ST6GAL2: variants seen among roughly 807,000 people sequenced by gnomAD.
The protein encoded by ST6GAL2 is beta-galactoside alpha-2,6-sialyltransferase 2.
ST6GAL2 carries 24 observed loss-of-function variants against 37.5 expected under a neutral mutation model. The observed-to-expected ratio is 0.64, with a 90% CI of 0.46 to 0.90. ST6GAL2 has a LOEUF of 0.90. Among genes scored for constraint, ST6GAL2 ranks in the 40% least tolerant of loss-of-function variants. ST6GAL2 has a pLI of 0.00. For missense variants in ST6GAL2, 715 were observed against 712.7 expected (o/e 1.00, Z -0.04); for synonymous variants, 306 against 295.1 (o/e 1.04, Z -0.38).
chr2:106,828,994 C>A (rs115079624), intron 5 of ST6GAL2, among the ~76,000 whole-genome samples: 1 of 152,132 alleles, frequency 6.6e-6, no homozygotes, highest in Non-Finnish European at 1.5e-5. Flanking sequence ...TGAAAGATGG[C>A]ATACTCTTCG....
At chr2:106,878,318 A>C (rs979463482) in intron 1 of ST6GAL2, among the ~76,000 whole-genome samples, 1 of 152,038 alleles carries the variant, frequency 6.6e-6, no homozygotes, top group Non-Finnish European at 1.5e-5. Context: ...TTAAAAAGTA[A>C]CCAGGTGTGG....
intron 1 of ST6GAL2, among the ~76,000 whole-genome samples, chr2:106,874,380 T>C (rs1397608768): frequency 2.0e-5 from 3 of 151,910 alleles, no homozygotes; most frequent in Non-Finnish European, 4.4e-5. Context: ...ATCCTGAAGG[T>C]AGTTGTGGCT....
At chr2:106,822,886 A>C (rs1287883498) in intron 5 of ST6GAL2, 1 of 152,200 alleles carries the variant, frequency 6.6e-6, no homozygotes, top group Non-Finnish European at 1.5e-5. Flanking sequence ...TTTCATATTA[A>C]AATGTATTTA....
intron 1 of ST6GAL2, among the ~76,000 whole-genome samples, chr2:106,855,442 C>A (rs1316091000): frequency 1.3e-5 from 2 of 152,164 alleles, no homozygotes; most frequent in African/African-American, 4.8e-5. Context: ...ACAATAGAGG[C>A]TGCAAAACAA....
At chr2:106,832,699 A>T (rs755748283) in intron 3 of ST6GAL2, 33 bp from the exon 4 acceptor site, 1 of 1,420,930 alleles carries the variant, frequency 7.0e-7, no homozygotes, top group African/African-American at 1.4e-5. Flanking sequence ...TTTCAAAGCC[A>T]GGGTTTGGTT....
chr2:106,836,115 CT>C (rs993878615), intron 2 of ST6GAL2, among the ~76,000 whole-genome samples: 39 of 152,086 alleles, frequency 2.6e-4, no homozygotes, highest in African/African-American at 8.2e-4. Flanking sequence ...TTTAAAACAG[CT>C]TTTTTTCAAT....
intron 2 of ST6GAL2, 82 bp from the exon 3 acceptor site, chr2:106,834,228 C>G (rs1676542542): frequency 1.1e-6 from 1 of 924,236 alleles, no homozygotes; most frequent in Admixed American, 1.9e-5. Context: ...GCAAATCTTT[C>G]AATACCTGAA....
rs1677041332 is a variant in ST6GAL2, at chr2:106,843,916, A to T, written c.62T>A (p.Leu21His). 2.5e-6 allele frequency: 4 copies of T among 1,600,564 alleles called. No individual in the cohort carries two copies. Among genetic ancestry groups the T allele is most frequent in the South Asian group, 1.1e-5 (1 of 91,058 alleles). The change falls in exon 2 of 6, where the codon CTC becomes CAC. Residue 21 changes from leucine (L) to histidine (H), a missense_variant. By Grantham distance (99) the Leu-to-His change is moderately conservative. Coordinates refer to ENST00000409382, the MANE Select transcript of ST6GAL2 (RefSeq NM_001142351.2). ...GTAGATGAAAATCAGCAAAAAGAGGAGCCCCCAAGCGAATATTCCGAAAAG... is the reference window on the plus strand; with the variant it reads ...GTAGATGAAAATCAGCAAAAAGAGGTGCCCCCAAGCGAATATTCCGAAAAG... ...RMLFGIFAWG[L>H]LFLLIFIYFT... is the part of the protein sequence containing the mutation.
At chr2:106,876,958 G>A (rs991677004) in intron 1 of ST6GAL2, among the ~76,000 whole-genome samples, 2 of 152,012 alleles carry the variant, frequency 1.3e-5, no homozygotes, top group South Asian at 2.1e-4. Flanking sequence ...GAAGAGAAAC[G>A]TTCAGGACTC....
chr2:106,860,584 G>A (rs1426477807), intron 1 of ST6GAL2, among the ~76,000 whole-genome samples: 1 of 152,122 alleles, frequency 6.6e-6, no homozygotes, highest in Non-Finnish European at 1.5e-5. Flanking sequence ...ACACGGGCAG[G>A]TACATGGCTG....
intron 2 of ST6GAL2, among the ~76,000 whole-genome samples, chr2:106,835,415 C>G (rs1268441658): frequency 6.6e-6 from 1 of 152,182 alleles, no homozygotes; most frequent in Admixed American, 6.5e-5. Flanking sequence ...TGCATGCCCC[C>G]ACTAAAACAA....
intron 1 of ST6GAL2, among the ~76,000 whole-genome samples, chr2:106,851,568 A>G (rs1677359212): frequency 6.6e-6 from 1 of 152,210 alleles, no homozygotes; most frequent in Non-Finnish European, 1.5e-5. Flanking sequence ...AAGGGCAAAG[A>G]GAAGTTAATT....
chr2:106,805,712 G>A lies in ST6GAL2; in HGVS notation c.*966C>T, dbSNP rs528424593. ...CAGGCGTGCATCCCTAGAAGCACAG[G>A]GTGATGGCTCCAAAATCTTTCCTTC... On this transcript the variant is annotated 3_prime_UTR_variant, in exon 6 of 6. Transcript: ENST00000409382. The A allele has an allele frequency of 2.0e-5, 3 of 152,320 alleles. No individual in the cohort carries two copies. The highest frequency in any genetic ancestry group is 2.1e-4 in the South Asian group (1 of 4,820). 9.4% of individuals were successfully genotyped at this position (152,320 alleles called of 1,614,324 possible). A position where few individuals can be genotyped will look rare whatever the true frequency, so the allele number is the denominator to read the frequency against.
In ST6GAL2 at chr2:106,843,045, G is replaced by C; in HGVS notation, c.933C>G (p.Gly311=). The change falls in exon 2 of 6, where the codon GGC becomes GGG. Residue 311 remains glycine, a synonymous_variant. Coordinates refer to ENST00000409382, the MANE Select transcript of ST6GAL2 (RefSeq NM_001142351.2). ...CCCGCTGAGACCTACCTATTTCCTC[G>C]CCCAAGGAAGAGTTGAGGATTGCGC... ...SAGAILNSSL[G]EEIDSHDAVL... 6 of 1,432,372 alleles carry C rather than the reference G, an allele frequency of 4.2e-6. No individual in the cohort carries two copies. Among genetic ancestry groups the C allele is most frequent in the South Asian group, 3.3e-5 (2 of 61,050 alleles). The allele number at this position is 1,432,372 out of a possible 1,614,324, so 88.7% of individuals were successfully genotyped here. A position where few individuals can be genotyped will look rare whatever the true frequency, so the allele number is the denominator to read the frequency against.
At chr2:106,836,883 G>A (rs144587285) in intron 2 of ST6GAL2, among the ~76,000 whole-genome samples, 350 of 144,308 alleles carry the variant, frequency 2.4e-3, no homozygotes, top group African/African-American at 8.5e-3. Flanking sequence ...GGCAGAGGTT[G>A]CAGTGAGCCA....
chr2:106,837,715 G>A (rs929418001), intron 2 of ST6GAL2, among the ~76,000 whole-genome samples: 3 of 152,152 alleles, frequency 2.0e-5, no homozygotes, highest in Non-Finnish European at 4.4e-5. Context: ...GGCCTCAAGC[G>A]GTGGGTGCAT....
At chr2:106,844,366 G>A (rs1333204295) in intron 1 of ST6GAL2, among the ~76,000 whole-genome samples, 1 of 152,010 alleles carries the variant, frequency 6.6e-6, no homozygotes, top group Non-Finnish European at 1.5e-5. Flanking sequence ...AGACAGTAGT[G>A]CCCCTGCCCA....
chr2:106,850,133 G>A (rs988512879), intron 1 of ST6GAL2, among the ~76,000 whole-genome samples: 3 of 152,068 alleles, frequency 2.0e-5, no homozygotes, highest in Admixed American at 1.3e-4. Context: ...ATATGAAAAC[G>A]CCTAGTTTCT....
In ST6GAL2 at chr2:106,843,068, C is replaced by T; in HGVS notation, c.910G>A (p.Ala304Thr). The part of the protein sequence containing the change: ...RSCAVVMSAG[A>T]ILNSSLGEEI... The stretch of plus-strand genomic sequence containing the variant: ...TCGCCCAAGGAAGAGTTGAGGATTG[C>T]GCCTGCAGACATGACGACAGCGCAG... Residue 304 changes from alanine (A) to threonine (T), a missense_variant, in exon 2 of 6, where the codon GCA (alanine) becomes ACA (threonine). Transcript: ENST00000409382. 3 of 1,482,844 alleles carry T rather than the reference C, an allele frequency of 2.0e-6. No individual in the cohort carries two copies. Among genetic ancestry groups the T allele is most frequent in the Non-Finnish European group, 2.7e-6 (3 of 1,118,750 alleles). 91.9% of individuals were successfully genotyped at this position (1,482,844 alleles called of 1,614,324 possible).
Sources: allele counts gnomAD v4.1 joint callset (sites outside exome capture counted in the v4.1 genomes callset), GRCh38; gene constraint gnomAD v4.1.1; transcripts MANE v1.5; gene names NCBI Gene and HGNC (gene_info 2026-07-23, HGNC 2026-07-21).